The following WBP1L variants were observed in gnomAD, a reference collection of about 807,000 sequenced individuals.
WBP1L encodes WW domain binding protein 1-like.
In WBP1L, 17 loss-of-function variants were observed where a neutral mutation model predicts 33.7. That is an observed-to-expected ratio of 0.50 (90% CI 0.34 to 0.76). The LOEUF is 0.76. Ranked by LOEUF, WBP1L falls within the 30% of genes least tolerant of loss-of-function variation. The pLI, the probability that WBP1L is intolerant of heterozygous loss-of-function variation, is 0.01. For synonymous variants in WBP1L, 173 were observed against 190.8 expected, an observed-to-expected ratio of 0.91 and a Z score of 0.77; for missense variants, 389 against 469.4, an observed-to-expected ratio of 0.83 and a Z score of 1.58.
intron 1 of WBP1L, among the ~76,000 whole-genome samples, chr10:102,759,913 T>C (rs1395063677): frequency 2.0e-5 from 3 of 152,196 alleles, no homozygotes; most frequent in Non-Finnish European, 4.4e-5. Flanking sequence ...TATTTGGTAA[T>C]GCTATGTTTA....
At chr10:102,794,923 C>T (rs909752909) in intron 1 of WBP1L, among the ~76,000 whole-genome samples, 1 of 152,146 alleles carries the variant, frequency 6.6e-6, no homozygotes, top group Non-Finnish European at 1.5e-5. Context: ...GGTACACCTT[C>T]TTTCGTACCG....
chr10:102,794,057 C>T (rs1843538985), intron 1 of WBP1L, among the ~76,000 whole-genome samples: 2 of 152,144 alleles, frequency 1.3e-5, no homozygotes, highest in African/African-American at 4.8e-5. Flanking sequence ...AGGCGTGACC[C>T]ACCACACCTG....
intron 1 of WBP1L, among the ~76,000 whole-genome samples, chr10:102,796,825 C>G (rs923542492): frequency 6.6e-6 from 1 of 152,182 alleles, no homozygotes; most frequent in Non-Finnish European, 1.5e-5. Context: ...TTACAGGTTT[C>G]GTCATCTGCA....
chr10:102,812,446 C>G, intron 3 of WBP1L, 149 bp from the exon 4 acceptor site: 1 of 923,412 alleles, frequency 1.1e-6, no homozygotes, highest in Non-Finnish European at 1.6e-6. Flanking sequence ...GCAGCTGTCT[C>G]TCCTCTGCTC....
chr10:102,810,828 A>G (rs898344961), intron 3 of WBP1L, among the ~76,000 whole-genome samples: 4 of 149,184 alleles, frequency 2.7e-5, no homozygotes, highest in Non-Finnish European at 5.9e-5. Context: ...CGGCCTCCCA[A>G]AGTGCTGGGA....
chr10:102,748,288 A>AT (rs1185943822), intron 1 of WBP1L, among the ~76,000 whole-genome samples: 8 of 151,646 alleles, frequency 5.3e-5, no homozygotes, highest in Admixed American at 4.6e-4. Context: ...ACAAAAAAAA[A>AT]CTTTGAGCTG....
intron 1 of WBP1L, among the ~76,000 whole-genome samples, chr10:102,746,696 T>C (rs187891202): frequency 3.7e-4 from 56 of 152,222 alleles, no homozygotes; most frequent in African/African-American, 1.3e-3. Flanking sequence ...ATACTTTAAG[T>C]ACCCATGGTC....
intron 1 of WBP1L, among the ~76,000 whole-genome samples, chr10:102,779,372 A>G (rs1342663582): frequency 6.6e-6 from 1 of 151,342 alleles, no homozygotes; most frequent in Non-Finnish European, 1.5e-5. Context: ...ATCTCAGCTC[A>G]CTGCAACCTC....
chr10:102,781,305 C>T (rs1417996240), intron 1 of WBP1L, among the ~76,000 whole-genome samples: 1 of 152,196 alleles, frequency 6.6e-6, no homozygotes, highest in Non-Finnish European at 1.5e-5. Context: ...CAATTTAACC[C>T]CTCAACTGCT....
chr10:102,775,016 G>C (rs975187997), intron 1 of WBP1L, among the ~76,000 whole-genome samples: 5 of 149,990 alleles, frequency 3.3e-5, no homozygotes, highest in Non-Finnish European at 7.4e-5. Flanking sequence ...TTGGGAGGCT[G>C]AGGTGGGAGG....
chr10:102,779,423 A>G (rs2134044539), intron 1 of WBP1L, among the ~76,000 whole-genome samples: 1 of 151,830 alleles, frequency 6.6e-6, no homozygotes, highest in African/African-American at 2.4e-5. Context: ...TCAGCCTCCC[A>G]GGTAGCTGGG....
At chr10:102,805,740 A>G (rs958657327) in intron 2 of WBP1L, among the ~76,000 whole-genome samples, 1 of 151,502 alleles carries the variant, frequency 6.6e-6, no homozygotes, top group African/African-American at 2.4e-5. Flanking sequence ...AACAACAACA[A>G]CAACAAAATT....
At chr10:102,785,532 A>G (rs906626596) in intron 1 of WBP1L, among the ~76,000 whole-genome samples, 1 of 149,574 alleles carries the variant, frequency 6.7e-6, no homozygotes, top group African/African-American at 2.6e-5. Flanking sequence ...CCATGTAGGC[A>G]TAGAACTCAT....
At chr10:102,788,266 C>T (rs1035121611) in intron 1 of WBP1L, among the ~76,000 whole-genome samples, 13 of 151,018 alleles carry the variant, frequency 8.6e-5, no homozygotes, top group Admixed American at 3.9e-4. Context: ...GTAGCTACCA[C>T]GCCCGGCTAA....
chr10:102,753,716 T>G (rs1590165828), intron 1 of WBP1L, among the ~76,000 whole-genome samples: 3 of 152,346 alleles, frequency 2.0e-5, no homozygotes, highest in Middle Eastern at 3.4e-3. Flanking sequence ...CAAAGCTAAG[T>G]TTTGATTCAA....
At chr10:102,779,452 C>T (rs1412884405) in intron 1 of WBP1L, among the ~76,000 whole-genome samples, 1 of 151,832 alleles carries the variant, frequency 6.6e-6, no homozygotes, top group Non-Finnish European at 1.5e-5. Flanking sequence ...CATGTGCCAC[C>T]ACGCCCAGCT....
intron 1 of WBP1L, among the ~76,000 whole-genome samples, chr10:102,780,507 AT>A (rs1843321383): frequency 1.3e-5 from 2 of 152,210 alleles, no homozygotes; most frequent in African/African-American, 4.8e-5. Flanking sequence ...GAAGATATTG[AT>A]TGGGTAATGT....
At chr10:102,763,207 CAAAAA>C (rs36003893) in intron 1 of WBP1L, among the ~76,000 whole-genome samples, 2 of 94,066 alleles carry the variant, frequency 2.1e-5, no homozygotes, top group Non-Finnish European at 3.9e-5. Flanking sequence ...ACTTTTGTCT[CAAAAA>C]AAAAAAAAAA....
At chr10:102,806,781 G>A (rs772253464) in intron 2 of WBP1L, among the ~76,000 whole-genome samples, 1 of 152,166 alleles carries the variant, frequency 6.6e-6, no homozygotes, top group Non-Finnish European at 1.5e-5. Flanking sequence ...CGGGGCTGGG[G>A]GGCATGTCAC....
Sources: gnomAD v4.1 joint callset for allele counts (sites outside exome capture counted in the v4.1 genomes callset) on GRCh38, gnomAD v4.1.1 for gene constraint, MANE v1.5 for transcripts, NCBI Gene and HGNC (gene_info 2026-07-23, HGNC 2026-07-21) for gene names.